ADGRB3: variants seen among roughly 807,000 people sequenced by gnomAD.
The protein encoded by ADGRB3 is adhesion G protein-coupled receptor B3.
In ADGRB3, 37 loss-of-function variants were observed where a neutral mutation model predicts 193.4. The ratio of observed to expected loss-of-function variants is 0.19; its 90% CI spans 0.15 to 0.25. The LOEUF (loss-of-function observed/expected upper bound fraction) is 0.25. Ranked by LOEUF, ADGRB3 falls within the 10% of genes least tolerant of loss-of-function variation. ADGRB3 has a pLI of 1.00. For synonymous variants in ADGRB3, 690 were observed against 644.2 expected (o/e 1.07, Z -1.08); for missense variants, 1,637 against 1,852.9 (o/e 0.88, Z 2.14).
intron 3 of ADGRB3, among the ~76,000 whole-genome samples, chr6:68,811,144 G>C (rs756613340): frequency 6.6e-6 from 1 of 151,994 alleles, no homozygotes. Flanking sequence ...AGAGTCAATT[G>C]ATTTTAATGC....
chr6:69,267,275 T>C (rs1000998038), intron 20 of ADGRB3, among the ~76,000 whole-genome samples: 9 of 152,124 alleles, frequency 5.9e-5, no homozygotes, highest in Non-Finnish European at 1.2e-4. Context: ...GATGGACCTG[T>C]CCAAATTGTT....
At chr6:69,099,900 T>G (rs1384080871) in intron 17 of ADGRB3, among the ~76,000 whole-genome samples, 1 of 152,202 alleles carries the variant, frequency 6.6e-6, no homozygotes, top group Admixed American at 6.5e-5. Context: ...ATATGAAGTT[T>G]TAAGTCCTTT....
At chr6:69,300,754 TAAAC>T (rs984570887) in intron 20 of ADGRB3, among the ~76,000 whole-genome samples, 6 of 151,740 alleles carry the variant, frequency 4.0e-5, no homozygotes, top group East Asian at 1.9e-4. Context: ...GGAATACACT[TAAAC>T]AAAGAAGTGA....
intron 3 of ADGRB3, among the ~76,000 whole-genome samples, chr6:68,658,814 G>A (rs187502666): frequency 6.6e-6 from 1 of 150,998 alleles, no homozygotes; most frequent in Non-Finnish European, 1.5e-5. Flanking sequence ...AACACAACGA[G>A]CTGCTTAATC....
intron 20 of ADGRB3, among the ~76,000 whole-genome samples, chr6:69,272,979 C>A (rs1047387744): frequency 6.6e-6 from 1 of 152,208 alleles, no homozygotes; most frequent in African/African-American, 2.4e-5. Flanking sequence ...CTGCTCACTG[C>A]AACCTCCATT....
intron 23 of ADGRB3, chr6:69,332,675 A>G (rs1449589488): frequency 1.0e-6 from 1 of 985,336 alleles, no homozygotes; most frequent in Non-Finnish European, 1.2e-6. Context: ...ATTGAAGGTT[A>G]ATTTCCCCAG....
intron 17 of ADGRB3, among the ~76,000 whole-genome samples, chr6:69,139,435 G>A (rs773749913): frequency 2.0e-5 from 3 of 152,198 alleles, no homozygotes; most frequent in Non-Finnish European, 4.4e-5. Context: ...TGGGTGTATA[G>A]TCATTGTTTC....
intron 24 of ADGRB3, among the ~76,000 whole-genome samples, chr6:69,337,613 G>T (rs1768881555): frequency 6.6e-6 from 1 of 152,030 alleles, no homozygotes; most frequent in Admixed American, 6.6e-5. Flanking sequence ...GGACACATTT[G>T]GCAACTACAT....
At chr6:69,116,731 G>T (rs1315961956) in intron 17 of ADGRB3, among the ~76,000 whole-genome samples, 1 of 152,204 alleles carries the variant, frequency 6.6e-6, no homozygotes, top group African/African-American at 2.4e-5. Context: ...GAAAGTATAT[G>T]ATTTTCGGAA....
intron 3 of ADGRB3, among the ~76,000 whole-genome samples, chr6:68,871,759 A>C (rs750576877): frequency 3.9e-5 from 6 of 152,162 alleles, no homozygotes; most frequent in Non-Finnish European, 8.8e-5. Flanking sequence ...TCATACATAA[A>C]AAGAAATATT....
chr6:68,981,202 G>T (rs1177807354), intron 10 of ADGRB3, among the ~76,000 whole-genome samples: 1 of 151,506 alleles, frequency 6.6e-6, no homozygotes, highest in Non-Finnish European at 1.5e-5. Flanking sequence ...AAAAGTTAGA[G>T]TATTGCTCTC....
intron 3 of ADGRB3, among the ~76,000 whole-genome samples, chr6:68,754,174 G>A (rs1249019797): frequency 2.0e-5 from 3 of 152,180 alleles, no homozygotes; most frequent in African/African-American, 7.2e-5. Flanking sequence ...CTGCTTTCAA[G>A]TACAATGCAT....
At chr6:68,953,098 A>G (rs1767977407) in intron 6 of ADGRB3, among the ~76,000 whole-genome samples, 1 of 152,138 alleles carries the variant, frequency 6.6e-6, no homozygotes, top group South Asian at 2.1e-4. Context: ...TCTTCATAGA[A>G]ATACAGTCCC....
At chr6:69,164,943 T>C (rs1325500121) in intron 17 of ADGRB3, among the ~76,000 whole-genome samples, 3 of 152,076 alleles carry the variant, frequency 2.0e-5, no homozygotes, top group Non-Finnish European at 2.9e-5. Flanking sequence ...CAAATCATTC[T>C]ATACCAAATG....
intron 3 of ADGRB3, among the ~76,000 whole-genome samples, chr6:68,897,977 A>G (rs1766287308): frequency 6.8e-6 from 1 of 147,596 alleles, no homozygotes; most frequent in South Asian, 2.1e-4. Flanking sequence ...ATTATATATA[A>G]TATTACATAT....
chr6:69,216,883 C>T (rs76092031), intron 17 of ADGRB3, among the ~76,000 whole-genome samples: 351 of 152,206 alleles, frequency 2.3e-3, no homozygotes, highest in African/African-American at 8.0e-3. Context: ...AGGAACTGCA[C>T]GCATTCAGGT....
Position 69,354,272 on chromosome 6 carries a change from G to A in ADGRB3, c.3499G>A (p.Asp1167Asn), listed in dbSNP as rs1412577858. The change falls in exon 27 of 32, where the codon GAT becomes AAT. Residue 1167 changes from aspartate (D) to asparagine (N), a missense_variant. Transcript: ENST00000370598. ...AFRCRLRNCQ[D>N]PINADSSSSF... Reference sequence around the variant, plus strand: ...TAGATGCCGATTGAGAAACTGTCAGGATCCCATCAATGCAGATTCTTCGAG... The same window carrying A: ...TAGATGCCGATTGAGAAACTGTCAGAATCCCATCAATGCAGATTCTTCGAG... 2 of 1,613,960 alleles carry A rather than the reference G, an allele frequency of 1.2e-6. No homozygotes were observed. Among genetic ancestry groups the A allele is most frequent in the Non-Finnish European group, 8.5e-7 (1 of 1,179,946 alleles).
intron 3 of ADGRB3, among the ~76,000 whole-genome samples, chr6:68,666,316 A>G (rs1488368062): frequency 1.3e-5 from 2 of 151,866 alleles, no homozygotes; most frequent in African/African-American, 2.4e-5. Flanking sequence ...TTGTGTGACC[A>G]CGGAAGGAAT....
intron 3 of ADGRB3, among the ~76,000 whole-genome samples, chr6:68,669,304 A>ATAGCACAACATCTGTTCTATTTCT (rs1301739783): frequency 1.2e-4 from 18 of 151,864 alleles, no homozygotes; most frequent in African/African-American, 4.1e-4. Context: ...GTGCTATTTT[A>ATAGCACAACATCTGTTCTATTTCT]TAGCACAACA....
Sources: gnomAD v4.1 joint callset for allele counts (sites outside exome capture counted in the v4.1 genomes callset) on GRCh38, gnomAD v4.1.1 for gene constraint, MANE v1.5 for transcripts, NCBI Gene and HGNC (gene_info 2026-07-23, HGNC 2026-07-21) for gene names.